RSU1: variants seen among roughly 807,000 people sequenced by gnomAD.
RSU1 encodes rsu-1.
RSU1 carries 26 observed loss-of-function variants against 31.1 expected under a neutral mutation model. The ratio of observed to expected loss-of-function variants is 0.84; its 90% CI spans 0.61 to 1.16. RSU1 has a LOEUF of 1.16. Ranked by LOEUF, RSU1 falls within the 50% of genes most tolerant of loss-of-function variation. The probability of loss-of-function intolerance (pLI) is 0.00; values close to 1 mark genes in which losing one functional copy is unlikely to be tolerated. For missense variants in RSU1, 320 were observed against 339.1 expected, an observed-to-expected ratio of 0.94 and a Z score of 0.44; for synonymous variants, 164 against 136.3, an observed-to-expected ratio of 1.20 and a Z score of -1.41.
intron 8 of RSU1, among the ~76,000 whole-genome samples, chr10:16,610,624 T>C (rs1833877416): frequency 6.6e-6 from 1 of 152,208 alleles, no homozygotes; most frequent in Non-Finnish European, 1.5e-5. Context: ...GATGGGACTG[T>C]CTAGTTGCAG....
rs17139126 is a variant in RSU1, at chr10:16,778,582, T to C, written c.160+3452A>G. 8.0e-3 allele frequency among the ~76,000 whole-genome samples: 1,218 copies of C among 152,264 alleles called. 12 individuals carry two copies. Among genetic ancestry groups the C allele is most frequent in the Admixed American group, 0.017 (261 of 15,296 alleles). Reference sequence around the variant, plus strand: ...AGGAAGAGAAGGACAGGGAATGCCATGCTAGAGTTAAAGAGTCTACATGCA... The same window carrying C: ...AGGAAGAGAAGGACAGGGAATGCCACGCTAGAGTTAAAGAGTCTACATGCA... On this transcript the variant is annotated intron_variant, in intron 3 of 8. Transcript: ENST00000345264.
chr10:16,722,096 G>A (rs1246156152), intron 7 of RSU1, among the ~76,000 whole-genome samples: 1 of 152,192 alleles, frequency 6.6e-6, no homozygotes, highest in African/African-American at 2.4e-5. Flanking sequence ...TTTTGAGAGA[G>A]AGATACTACA....
At chr10:16,775,883 C>G (rs1837518543) in intron 3 of RSU1, among the ~76,000 whole-genome samples, 1 of 152,154 alleles carries the variant, frequency 6.6e-6, no homozygotes, top group South Asian at 2.1e-4. Flanking sequence ...TGATCAAAGC[C>G]TCTGTATTAT....
chr10:16,669,371 T>G (rs888286218), intron 8 of RSU1, among the ~76,000 whole-genome samples: 1 of 143,364 alleles, frequency 7.0e-6, no homozygotes, highest in African/African-American at 2.6e-5. Context: ...TTCTGTTTTT[T>G]TTCCCCCCCC....
chr10:16,807,711 T>G (rs545954149), intron 2 of RSU1, among the ~76,000 whole-genome samples: 9 of 152,200 alleles, frequency 5.9e-5, no homozygotes, highest in Non-Finnish European at 1.2e-4. Flanking sequence ...ACTATTTTAT[T>G]TGCTTAACAC....
At chr10:16,763,790 TGA>T (rs1340773127) in intron 4 of RSU1, among the ~76,000 whole-genome samples, 1 of 152,196 alleles carries the variant, frequency 6.6e-6, no homozygotes, top group African/African-American at 2.4e-5. Flanking sequence ...TCACAAATGT[TGA>T]GAGGGTCAAG....
At chr10:16,768,494 G>C (rs1837362493) in intron 3 of RSU1, among the ~76,000 whole-genome samples, 1 of 149,798 alleles carries the variant, frequency 6.7e-6, no homozygotes, top group African/African-American at 2.5e-5. Flanking sequence ...AACAGTCCCA[G>C]AGGACTCAGA....
chr10:16,805,140 G>C, intron 2 of RSU1, among the ~76,000 whole-genome samples: 1 of 152,146 alleles, frequency 6.6e-6, no homozygotes, highest in East Asian at 1.9e-4. Context: ...CTGGGAGGCA[G>C]AGGCTGCAGT....
intron 7 of RSU1, among the ~76,000 whole-genome samples, chr10:16,713,429 G>A (rs754358284): frequency 6.6e-6 from 1 of 152,048 alleles, no homozygotes; most frequent in African/African-American, 2.4e-5. Context: ...GATAATTCAA[G>A]AGGCCTGTCT....
intron 7 of RSU1, among the ~76,000 whole-genome samples, chr10:16,732,394 G>A (rs950164006): frequency 3.9e-5 from 6 of 152,172 alleles, no homozygotes; most frequent in African/African-American, 1.4e-4. Context: ...ATTAGGTCAT[G>A]AGAGTGGAGC....
At chr10:16,642,281 G>A (rs1424816200) in intron 8 of RSU1, among the ~76,000 whole-genome samples, 1 of 152,186 alleles carries the variant, frequency 6.6e-6, no homozygotes, top group African/African-American at 2.4e-5. Context: ...ATAAATGTAT[G>A]CAAAACCAAA....
At chr10:16,747,661 C>T (rs546230002) in intron 7 of RSU1, among the ~76,000 whole-genome samples, 1 of 152,348 alleles carries the variant, frequency 6.6e-6, no homozygotes, top group East Asian at 1.9e-4. Flanking sequence ...AGTCTCCTAT[C>T]TCTCAGACTC....
At chr10:16,805,094 G>C (rs1355424864) in intron 2 of RSU1, among the ~76,000 whole-genome samples, 3 of 152,012 alleles carry the variant, frequency 2.0e-5, no homozygotes, top group African/African-American at 7.3e-5. Flanking sequence ...CCAGCTACTC[G>C]GGAGGCTGAG....
intron 8 of RSU1, among the ~76,000 whole-genome samples, chr10:16,672,027 G>A (rs560946003): frequency 4.7e-4 from 71 of 151,320 alleles, no homozygotes; most frequent in African/African-American, 1.6e-3. Context: ...GGCCAGACGC[G>A]GTGGCTCATG....
intron 4 of RSU1, among the ~76,000 whole-genome samples, chr10:16,758,690 G>C (rs575672015): frequency 6.6e-5 from 10 of 152,176 alleles, no homozygotes; most frequent in Admixed American, 3.9e-4. Context: ...TGGCTCACAC[G>C]TGGCTTCTCA....
At chr10:16,688,314 A>C (rs1835475997) in intron 8 of RSU1, among the ~76,000 whole-genome samples, 1 of 152,210 alleles carries the variant, frequency 6.6e-6, no homozygotes, top group Non-Finnish European at 1.5e-5. Context: ...AACTTTAAAA[A>C]AGAAAATATA....
intron 8 of RSU1, among the ~76,000 whole-genome samples, chr10:16,607,091 T>C (rs1467038490): frequency 1.3e-5 from 2 of 152,210 alleles, no homozygotes; most frequent in African/African-American, 4.8e-5. Flanking sequence ...GGTTCAGCAC[T>C]ATCCCCTTGG....
chr10:16,801,440 C>T (rs1313195400), intron 2 of RSU1, among the ~76,000 whole-genome samples: 2 of 152,148 alleles, frequency 1.3e-5, no homozygotes, highest in Non-Finnish European at 2.9e-5. Context: ...CGCTATTATA[C>T]TTGGAGACGT....
At chr10:16,614,466 AAG>A (rs1480691753) in intron 8 of RSU1, among the ~76,000 whole-genome samples, 2 of 152,204 alleles carry the variant, frequency 1.3e-5, no homozygotes, top group Non-Finnish European at 2.9e-5. Flanking sequence ...CCCCCACCAC[AAG>A]AGAATTGTAA....
Sources: allele counts gnomAD v4.1 joint callset (sites outside exome capture counted in the v4.1 genomes callset), GRCh38; gene constraint gnomAD v4.1.1; transcripts MANE v1.5; gene names NCBI Gene and HGNC (gene_info 2026-07-23, HGNC 2026-07-21).